SLC4A10: variants seen among roughly 807,000 people sequenced by gnomAD.
SLC4A10 encodes the protein sodium-driven chloride bicarbonate exchanger.
Under a neutral mutation model 137.7 loss-of-function variants are expected in SLC4A10, and 42 were observed. The ratio of observed to expected loss-of-function variants is 0.30; its 90% confidence interval spans 0.24 to 0.39. The LOEUF is 0.39. Ranked by LOEUF, SLC4A10 falls within the 10% of genes least tolerant of loss-of-function variation. The probability of loss-of-function intolerance (pLI) is 1.00; values close to 1 mark genes in which losing one functional copy is unlikely to be tolerated. For synonymous variants in SLC4A10, 474 were observed against 464.1 expected (o/e 1.02, Z -0.27); for missense variants, 925 against 1,355.0 (o/e 0.68, Z 4.98).
intron 5 of SLC4A10, among the ~76,000 whole-genome samples, chr2:161,862,097 C>A (rs1380826694): frequency 6.6e-6 from 1 of 152,124 alleles, no homozygotes; most frequent in Non-Finnish European, 1.5e-5. Flanking sequence ...ACTTAAAATA[C>A]CTTTACTTAT....
At chr2:161,673,723 C>T (rs911998661) in intron 1 of SLC4A10, among the ~76,000 whole-genome samples, 1 of 152,148 alleles carries the variant, frequency 6.6e-6, no homozygotes, top group Non-Finnish European at 1.5e-5. Flanking sequence ...GGCACAGTGG[C>T]TTTCACTTGT....
chr2:161,670,261 C>A lies in SLC4A10; in HGVS notation c.48+45695C>A, dbSNP rs563426465. Reference sequence around the variant, plus strand: ...TCTTGCTCTCCCTTTCCTTTTTTTTCTCTTCCTTCCTCTTTTCTTCTCTTC... The same window carrying A: ...TCTTGCTCTCCCTTTCCTTTTTTTTATCTTCCTTCCTCTTTTCTTCTCTTC... On this transcript the variant is annotated intron_variant, in intron 1 of 26. Coordinates refer to ENST00000446997, the MANE Select transcript of SLC4A10 (RefSeq NM_001178015.2). Among the ~76,000 whole-genome samples the A allele has an allele frequency of 6.6e-4, 98 of 148,960 alleles. 1 individual carries two copies. Among genetic ancestry groups the A allele is most frequent in the African/African-American group, 2.4e-3 (95 of 39,618 alleles).
chr2:161,724,522 G>C (rs1014567933), intron 1 of SLC4A10, among the ~76,000 whole-genome samples: 1 of 152,170 alleles, frequency 6.6e-6, no homozygotes, highest in African/African-American at 2.4e-5. Flanking sequence ...GAACAAGATA[G>C]ATATAATCTT....
chr2:161,947,158 T>C (rs1693968619), intron 16 of SLC4A10, among the ~76,000 whole-genome samples: 1 of 152,090 alleles, frequency 6.6e-6, no homozygotes, highest in African/African-American at 2.4e-5. Flanking sequence ...TATTTTATGG[T>C]ATTGGTGTGA....
chr2:161,912,183 A>T (rs766112247), intron 15 of SLC4A10, among the ~76,000 whole-genome samples: 15 of 152,098 alleles, frequency 9.9e-5, no homozygotes, highest in Non-Finnish European at 5.9e-5. Context: ...TCTTTCAACT[A>T]TGTTACTCTT....
At chr2:161,677,828 G>A (rs991597239) in intron 1 of SLC4A10, among the ~76,000 whole-genome samples, 1 of 152,164 alleles carries the variant, frequency 6.6e-6, no homozygotes, top group Non-Finnish European at 1.5e-5. Flanking sequence ...AGAAATGAAC[G>A]TGGACAGTTT....
chr2:161,765,858 T>C (rs1052784285), intron 1 of SLC4A10, among the ~76,000 whole-genome samples: 6 of 152,196 alleles, frequency 3.9e-5, no homozygotes, highest in Admixed American at 6.5e-5. Context: ...TGGCACCTGG[T>C]GCTGTATGTC....
intron 1 of SLC4A10, among the ~76,000 whole-genome samples, chr2:161,713,061 A>C (rs1432383212): frequency 6.6e-6 from 1 of 151,822 alleles, no homozygotes; most frequent in Non-Finnish European, 1.5e-5. Context: ...GCCAACATAG[A>C]GAGAAAAGGT....
At chr2:161,723,363 CACGCCA>C (rs949834011) in intron 1 of SLC4A10, among the ~76,000 whole-genome samples, 33 of 152,276 alleles carry the variant, frequency 2.2e-4, no homozygotes, top group African/African-American at 7.2e-4. Context: ...CTCCGTGGGT[CACGCCA>C]ACTGCCTAGT....
chr2:161,831,858 G>A (rs1032194054), intron 3 of SLC4A10, among the ~76,000 whole-genome samples: 1 of 152,088 alleles, frequency 6.6e-6, no homozygotes, highest in African/African-American at 2.4e-5. Context: ...TTTTCTGAGA[G>A]TGATCAGAAC....
At chr2:161,769,259 T>C (rs987041062) in intron 1 of SLC4A10, among the ~76,000 whole-genome samples, 2 of 151,992 alleles carry the variant, frequency 1.3e-5, no homozygotes, top group African/African-American at 4.8e-5. Context: ...ATTCCTTCCA[T>C]TGTTACCTCA....
chr2:161,649,726 C>T (rs993238461), intron 1 of SLC4A10, among the ~76,000 whole-genome samples: 6 of 151,648 alleles, frequency 4.0e-5, no homozygotes, highest in Non-Finnish European at 7.4e-5. Flanking sequence ...GTATTTTAGT[C>T]AAGTTCAAAA....
chr2:161,709,351 T>C (rs1354295393), intron 1 of SLC4A10, among the ~76,000 whole-genome samples: 1 of 151,634 alleles, frequency 6.6e-6, no homozygotes, highest in East Asian at 1.9e-4. Context: ...GTGAATAGAA[T>C]CATCTTTGTC....
chr2:161,797,266 C>T (rs538823495), intron 2 of SLC4A10, among the ~76,000 whole-genome samples: 1 of 152,118 alleles, frequency 6.6e-6, no homozygotes, highest in East Asian at 1.9e-4. Context: ...CACGTTATCT[C>T]CTTTTTCTAA....
intron 1 of SLC4A10, among the ~76,000 whole-genome samples, chr2:161,713,787 C>T (rs2044549594): frequency 1.3e-5 from 2 of 151,788 alleles, no homozygotes; most frequent in African/African-American, 4.8e-5. Context: ...ATAAAGTAAA[C>T]CATGTTTGCA....
chr2:161,950,502 G>T lies in SLC4A10; in HGVS notation c.2380-185G>T, dbSNP rs545588108. Among the ~76,000 whole-genome samples the T allele has an allele frequency of 2.0e-5, 3 of 151,724 alleles. No homozygotes were observed. The East Asian group carries it at 5.8e-4, about 29-fold the overall frequency. Reference sequence around the variant, plus strand: ...AGAGTGTTGTGAAGAAAAAAAAAATGAGTTAAAATATTTAAAGCACTTAAA... The same window carrying T: ...AGAGTGTTGTGAAGAAAAAAAAAATTAGTTAAAATATTTAAAGCACTTAAA... On this transcript the variant is annotated intron_variant, in intron 18 of 26. Coordinates refer to ENST00000446997, the MANE Select transcript of SLC4A10 (RefSeq NM_001178015.2).
chr2:161,917,439 A>G (rs1283249587), intron 15 of SLC4A10, among the ~76,000 whole-genome samples: 1 of 152,064 alleles, frequency 6.6e-6, no homozygotes. Flanking sequence ...ACCTAGAAAC[A>G]AGATTGCTAG....
intron 21 of SLC4A10, 64 bp from the exon 22 acceptor site, chr2:161,964,070 TC>T: frequency 7.0e-7 from 1 of 1,420,458 alleles, no homozygotes; most frequent in Non-Finnish European, 9.4e-7. Context: ...ATATTAAACA[TC>T]AACTTGTCCT....
chr2:161,704,959 GAGA>G (rs1319348139), intron 1 of SLC4A10, among the ~76,000 whole-genome samples: 2 of 151,554 alleles, frequency 1.3e-5, no homozygotes, highest in Non-Finnish European at 3.0e-5. Context: ...AAGTTATCTT[GAGA>G]AGATGAACTA....
Sources: allele counts gnomAD v4.1 joint callset (sites outside exome capture counted in the v4.1 genomes callset), GRCh38; gene constraint gnomAD v4.1.1; transcripts MANE v1.5; gene names NCBI Gene and HGNC (gene_info 2026-07-23, HGNC 2026-07-21).